SHISA6: variants seen among roughly 807,000 people sequenced by gnomAD.
The protein encoded by SHISA6 is shisa family member 6.
In SHISA6, 22 loss-of-function variants were observed where a neutral mutation model predicts 47.9. The ratio of observed to expected loss-of-function variants is 0.46; its 90% confidence interval spans 0.33 to 0.66. SHISA6 has a LOEUF of 0.66. SHISA6 is among the 30% of genes least tolerant of loss of function. The pLI, the probability that SHISA6 is intolerant of heterozygous loss-of-function variation, is 0.02. For synonymous variants in SHISA6, 388 were observed against 337.8 expected, an observed-to-expected ratio of 1.15 and a Z score of -1.63; for missense variants, 680 against 764.6, an observed-to-expected ratio of 0.89 and a Z score of 1.30.
At chr17:11,247,122 C>G (rs1325379870) in intron 1 of SHISA6, among the ~76,000 whole-genome samples, 3 of 152,202 alleles carry the variant, frequency 2.0e-5, no homozygotes, top group African/African-American at 7.2e-5. Flanking sequence ...TTGTATTCAA[C>G]TGGTTTTAAT....
At chr17:11,337,051 C>T (rs894961002) in intron 2 of SHISA6, among the ~76,000 whole-genome samples, 6 of 152,094 alleles carry the variant, frequency 3.9e-5, no homozygotes, top group African/African-American at 1.4e-4. Context: ...TCTTCTTTGG[C>T]CCCTTTGATC....
At chr17:11,392,473 A>G (rs115174012) in intron 3 of SHISA6, among the ~76,000 whole-genome samples, 5,506 of 152,150 alleles carry the variant, frequency 0.036, 181 homozygotes, top group Admixed American at 0.087. Context: ...TTTCCTGAGA[A>G]TGGGTTATTA....
intron 3 of SHISA6, among the ~76,000 whole-genome samples, chr17:11,380,661 C>T (rs1912978266): frequency 6.6e-6 from 1 of 152,204 alleles, no homozygotes; most frequent in African/African-American, 2.4e-5. Flanking sequence ...TACTCTCAAA[C>T]TTAGCGTTTT....
intron 2 of SHISA6, among the ~76,000 whole-genome samples, chr17:11,298,466 C>T (rs879903944): frequency 1.3e-5 from 2 of 152,122 alleles, no homozygotes; most frequent in Non-Finnish European, 2.9e-5. Flanking sequence ...GGTGAGTATA[C>T]CAAAGAGAAA....
At chr17:11,526,761 G>C (rs1402942586) in intron 3 of SHISA6, among the ~76,000 whole-genome samples, 1 of 151,646 alleles carries the variant, frequency 6.6e-6, no homozygotes, top group Non-Finnish European at 1.5e-5. Flanking sequence ...ATTCTGCATG[G>C]TGGCTCTGAT....
chr17:11,410,872 G>C (rs1279763415), intron 3 of SHISA6, among the ~76,000 whole-genome samples: 19 of 152,218 alleles, frequency 1.2e-4, no homozygotes, highest in Admixed American at 6.5e-5. Flanking sequence ...AGGCGGCTCT[G>C]TTGCATAAGA....
chr17:11,556,012 A>G, intron 5 of SHISA6, 120 bp downstream of exon 5: 1 of 1,263,096 alleles, frequency 7.9e-7, no homozygotes, highest in Non-Finnish European at 1.0e-6. Context: ...ATAAAGAAGG[A>G]GTTGCAGGAT....
chr17:11,472,977 G>T (rs1315248463), intron 3 of SHISA6, among the ~76,000 whole-genome samples: 1 of 152,120 alleles, frequency 6.6e-6, no homozygotes, highest in Non-Finnish European at 1.5e-5. Flanking sequence ...TGTCTGTTAA[G>T]GTCTTTAGCC....
At chr17:11,466,884 A>G (rs1007353935) in intron 3 of SHISA6, among the ~76,000 whole-genome samples, 18 of 151,902 alleles carry the variant, frequency 1.2e-4, no homozygotes, top group Non-Finnish European at 4.4e-5. Flanking sequence ...CCTGCTTAGG[A>G]CACTTTTGTG....
Position 11,303,205 on chromosome 17 carries a change from T to TTGTG in SHISA6, c.799+39693_799+39696dup, listed in dbSNP as rs145384262. The stretch of plus-strand genomic sequence containing the variant: ...TTTGAGTGTGTGTGCTTGTGTGGTT[T>TTGTG]TGTGTGTGTGTGTGTGTAAGATTCA... On this transcript the variant is annotated intron_variant, in intron 2 of 5. Transcript: ENST00000441885. 4.0e-5 allele frequency among the ~76,000 whole-genome samples: 6 copies of TTGTG among 150,906 alleles called. No homozygotes were observed. The East Asian group carries it at 7.8e-4, about 20-fold the overall frequency.
intron 3 of SHISA6, among the ~76,000 whole-genome samples, chr17:11,454,589 C>T (rs532047089): frequency 2.0e-5 from 3 of 152,270 alleles, no homozygotes; most frequent in African/African-American, 7.2e-5. Context: ...CCAAGCTGAG[C>T]CATCCCAGAC....
At chr17:11,391,274 G>A (rs968683980) in intron 3 of SHISA6, among the ~76,000 whole-genome samples, 7 of 152,152 alleles carry the variant, frequency 4.6e-5, no homozygotes, top group Non-Finnish European at 7.4e-5. Context: ...ATGAGAAAGC[G>A]ATGGGGCTAT....
chr17:11,400,604 T>C (rs1597494499), intron 3 of SHISA6, among the ~76,000 whole-genome samples: 1 of 152,156 alleles, frequency 6.6e-6, no homozygotes, highest in East Asian at 1.9e-4. Flanking sequence ...TTGACAACTG[T>C]CTATTGTCAA....
intron 2 of SHISA6, among the ~76,000 whole-genome samples, chr17:11,281,613 G>A (rs772034696): frequency 4.6e-4 from 70 of 152,132 alleles, no homozygotes; most frequent in Admixed American, 2.0e-3. Context: ...CCATAGTTCT[G>A]TTTTCTTGTC....
At chr17:11,362,463 T>C (rs1336708003) in intron 2 of SHISA6, among the ~76,000 whole-genome samples, 1 of 152,134 alleles carries the variant, frequency 6.6e-6, no homozygotes. Context: ...TTGAACGTAA[T>C]CTCTGTCGAC....
chr17:11,545,942 C>G (rs1224743691), intron 3 of SHISA6, among the ~76,000 whole-genome samples: 2 of 152,164 alleles, frequency 1.3e-5, no homozygotes, highest in Non-Finnish European at 1.5e-5. Flanking sequence ...CCTCGGAAGT[C>G]GTGCAAGGTT....
intron 3 of SHISA6, among the ~76,000 whole-genome samples, chr17:11,380,909 T>C (rs1323509777): frequency 1.3e-5 from 2 of 152,176 alleles, no homozygotes; most frequent in Non-Finnish European, 2.9e-5. Context: ...CTGAGTGTCT[T>C]CACTGCATGG....
intron 2 of SHISA6, among the ~76,000 whole-genome samples, chr17:11,277,280 T>TCTCTCTCTCTCACACACACACACACA (rs1386997909): frequency 1.1e-4 from 6 of 53,914 alleles, no homozygotes; most frequent in African/African-American, 1.4e-4. Context: ...TCTCTCTCTC[T>TCTCTCTCTCTCACACACACACACACA]CACACACACA....
chr17:11,265,227 A>G (rs1398797309), intron 2 of SHISA6, among the ~76,000 whole-genome samples: 3 of 152,210 alleles, frequency 2.0e-5, no homozygotes, highest in Non-Finnish European at 4.4e-5. Flanking sequence ...CCCCAAGGTG[A>G]TTCTAACATG....
Sources: gnomAD v4.1 joint callset for allele counts (sites outside exome capture counted in the v4.1 genomes callset) on GRCh38, gnomAD v4.1.1 for gene constraint, MANE v1.5 for transcripts, NCBI Gene and HGNC (gene_info 2026-07-23, HGNC 2026-07-21) for gene names.